Variants in HCN3 observed in about 807,000 individuals in gnomAD.
HCN3 encodes the protein potassium/sodium hyperpolarization-activated cyclic nucleotide-gated channel 3.
In HCN3, 36 loss-of-function variants were observed where a neutral mutation model predicts 56.8. The observed-to-expected ratio is 0.63, with a 90% CI of 0.49 to 0.84. HCN3 has a LOEUF of 0.84. HCN3 is among the 40% of genes least tolerant of loss of function. HCN3 has a pLI of 0.00. For missense variants in HCN3, 930 were observed against 1,079.3 expected, an observed-to-expected ratio of 0.86 and a Z score of 1.94; for synonymous variants, 425 against 439.7, an observed-to-expected ratio of 0.97 and a Z score of 0.42.
Position 155,284,193 on chromosome 1 carries a change from G to C in HCN3, c.870+58G>C. The C allele has an allele frequency of 6.3e-7, 1 of 1,582,774 alleles. No homozygotes were observed. Among genetic ancestry groups the C allele is most frequent in the South Asian group, 1.1e-5 (1 of 88,396 alleles). Reference sequence around the variant, plus strand: ...GCCTTCTTAGGGCTCTTCTGCCTGAGTAGCAGGGATGGCCACAGGGAGCAG... The same window carrying C: ...GCCTTCTTAGGGCTCTTCTGCCTGACTAGCAGGGATGGCCACAGGGAGCAG... On this transcript the variant is annotated intron_variant, in intron 3 of 7. Transcript: ENST00000368358. The surrounding 1 kb of genome is among the most constrained non-coding windows in gnomAD (Gnocchi z 4.3).
In HCN3 at chr1:155,285,072, T is replaced by G; in HGVS notation, c.1090-93T>G. 1 of 1,452,618 alleles carries G rather than the reference T, an allele frequency of 6.9e-7. No individual in the cohort carries two copies. The highest frequency in any genetic ancestry group is 9.4e-7 in the Non-Finnish European group (1 of 1,058,902). 90.0% of individuals were successfully genotyped at this position (1,452,618 alleles called of 1,614,324 possible). A position where few individuals can be genotyped will look rare whatever the true frequency, so the allele number is the denominator to read the frequency against. On this transcript the variant is annotated intron_variant, in intron 4 of 7. Coordinates refer to ENST00000368358, the MANE Select transcript of HCN3 (RefSeq NM_020897.3). The surrounding 1 kb of genome is among the most constrained non-coding windows in gnomAD (Gnocchi z 4.5). ...ACGTTTCACCCCTTTGAGTTTGACC[T>G]GTGTCTCTGACCTTCCGCACACACA...
Position 155,284,749 on chromosome 1 carries a change from C to A in HCN3, c.1081C>A (p.Gln361Lys). ...CCTGGACTCTTCCCGGCGTCAGTAC[C>A]AGGAGAAGGTCAGCAGGGACAGGAG... is the stretch of plus-strand genomic sequence containing the variant. ...QSLDSSRRQYQEKYKQVEQYM... is the reference protein window; with the variant it reads ...QSLDSSRRQYKEKYKQVEQYM... Residue 361 changes from glutamine to lysine, a missense_variant, in exon 4 of 8, where the codon CAG becomes AAG. Gln to Lys is a moderately conservative substitution (Grantham distance 53). Transcript: ENST00000368358. This position sits in a 1 kb window ranked among gnomAD's most constrained non-coding sequence, Gnocchi z 4.3. The A allele has an allele frequency of 6.2e-7, 1 of 1,613,316 alleles. No homozygotes were observed.
chr1:155,282,851 G>A lies in HCN3; in HGVS notation c.708+11G>A. 2 of 1,303,214 alleles carry A rather than the reference G, an allele frequency of 1.5e-6. No individual in the cohort carries two copies. The highest frequency in any genetic ancestry group is 3.9e-5 in the Admixed American group (2 of 51,522). 80.7% of individuals were successfully genotyped at this position (1,303,214 alleles called of 1,614,324 possible). On this transcript the variant is annotated intron_variant, in intron 2 of 7. Coordinates refer to ENST00000368358, the MANE Select transcript of HCN3 (RefSeq NM_020897.3). This position sits in a 1 kb window ranked among gnomAD's most constrained non-coding sequence, Gnocchi z 4.7. ...CACCAGTGGGAGGAGGTGGGGTGGG[G>A]AGATGGCGGGCGGGGCAGTGGGTGG...
Position 155,287,243 on chromosome 1 carries a change from A to T in HCN3, c.1548A>T (p.Ser516=). The change falls in exon 7 of 8, where the codon TCA becomes TCT. Residue 516 remains serine, a synonymous_variant. Coordinates refer to ENST00000368358, the MANE Select transcript of HCN3 (RefSeq NM_020897.3). ...CTGACACCTACTGCCGCCTTTACTCACTCAGCGTGGACCATTTCAATGCTG... is the reference window on the plus strand; with the variant it reads ...CTGACACCTACTGCCGCCTTTACTCTCTCAGCGTGGACCATTTCAATGCTG... ...VRADTYCRLY[S]LSVDHFNAVL... 1 of 1,613,854 alleles carries T rather than the reference A, an allele frequency of 6.2e-7. No homozygotes were observed. Among genetic ancestry groups the T allele is most frequent in the African/African-American group, 1.3e-5 (1 of 74,934 alleles).
chr1:155,284,724 C>G lies in HCN3; in HGVS notation c.1056C>G (p.Ser352=). The part of the protein sequence containing the change: ...FIGHATALIQ[S]LDSSRRQYQE... ...GCCATGCCACGGCACTCATCCAGTC[C>G]CTGGACTCTTCCCGGCGTCAGTACC... is the stretch of plus-strand genomic sequence containing the variant. Residue 352 remains serine, a synonymous_variant, in exon 4 of 8, where the codon TCC becomes TCG. Transcript: ENST00000368358. The surrounding 1 kb of genome is among the most constrained non-coding windows in gnomAD (Gnocchi z 4.3). 6.2e-7 allele frequency: 1 copy of G among 1,614,146 alleles called. No individual in the cohort carries two copies. Among genetic ancestry groups the G allele is most frequent in the Non-Finnish European group, 8.5e-7 (1 of 1,180,010 alleles).
intron 1 of HCN3, among the ~76,000 whole-genome samples, chr1:155,278,704 A>C (rs1299267516): frequency 6.6e-6 from 1 of 152,234 alleles, no homozygotes; most frequent in Non-Finnish European, 1.5e-5. Context: ...ATACAGTTGT[A>C]GACCCAGACA....
At chr1:155,283,837 G>T in intron 2 of HCN3, 137 bp from the exon 3 acceptor site, 1 of 848,416 alleles carries the variant, frequency 1.2e-6, no homozygotes, top group Non-Finnish European at 1.8e-6. Flanking sequence ...CCACACAAAT[G>T]AATAATAGTT....
In HCN3 at chr1:155,288,425, G is replaced by C; in HGVS notation, c.2287G>C (p.Ala763Pro). ...QPPRPPVPEP[A>P]TPRGLQLSAN... ...CCCCAGGCCACCAGTGCCTGAGCCA[G>C]CCACACCCCGGGGTCTCCAGCTTTC... The change falls in exon 8 of 8, where the codon GCC becomes CCC. Residue 763 changes from alanine (A) to proline (P), a missense_variant. Ala to Pro is a conservative substitution (Grantham distance 27). Transcript: ENST00000368358. The surrounding 1 kb of genome is among the most constrained non-coding windows in gnomAD (Gnocchi z 6.5). The C allele has an allele frequency of 6.2e-7, 1 of 1,610,810 alleles. No individual in the cohort carries two copies. The highest frequency in any genetic ancestry group is 8.5e-7 in the Non-Finnish European group (1 of 1,178,592).
rs1189663495 is a variant in HCN3, at chr1:155,285,208, C to G, written c.1133C>G (p.Ala378Gly). ...EQYMSFHKLP[A>G]DTRQRIHEYY... ...TACATGTCCTTCCACAAGCTGCCAG[C>G]AGACACGCGGCAGCGCATCCACGAG... Residue 378 changes from alanine to glycine, a missense_variant, in exon 5 of 8, where the codon GCA (alanine) becomes GGA (glycine). Physicochemically the swap from Ala to Gly is moderately conservative, Grantham distance 60 (BLOSUM62 0). Coordinates refer to ENST00000368358, the MANE Select transcript of HCN3 (RefSeq NM_020897.3). The surrounding 1 kb of genome is among the most constrained non-coding windows in gnomAD (Gnocchi z 4.5). 1 of 1,614,246 alleles carries G rather than the reference C, an allele frequency of 6.2e-7. No individual in the cohort carries two copies. The highest frequency in any genetic ancestry group is 1.3e-5 in the African/African-American group (1 of 75,072).
At chr1:155,280,426 C>T (rs1043912842) in intron 1 of HCN3, among the ~76,000 whole-genome samples, 40 of 151,040 alleles carry the variant, frequency 2.6e-4, no homozygotes, top group Non-Finnish European at 4.9e-4. Flanking sequence ...CGCGCCACCA[C>T]ACCTGGCTAA....
rs1444524437 is a variant in HCN3 at position 155,287,904 on chromosome 1, C to T, written c.1766C>T (p.Ala589Val). The change falls in exon 8 of 8, where the codon GCC (alanine) becomes GTC (valine). Residue 589 changes from alanine to valine, a missense_variant. Ala to Val is a moderately conservative substitution (Grantham distance 64). Coordinates refer to ENST00000368358, the MANE Select transcript of HCN3 (RefSeq NM_020897.3). Reference protein sequence around the residue: ...RDMARGVRGRAPSTGAQLSGK... With the variant: ...RDMARGVRGRVPSTGAQLSGK... ...ATGGCTCGGGGTGTTCGGGGTCGGGCCCCGAGCACAGGAGCTCAGCTTAGT... is the reference window on the plus strand; with the variant it reads ...ATGGCTCGGGGTGTTCGGGGTCGGGTCCCGAGCACAGGAGCTCAGCTTAGT... 3.7e-6 allele frequency: 6 copies of T among 1,613,914 alleles called. No individual in the cohort carries two copies. Among genetic ancestry groups the T allele is most frequent in the Non-Finnish European group, 5.1e-6 (6 of 1,179,994 alleles).
At position 155,286,803 on chromosome 1, in the gene HCN3, G is replaced by T. The variant is rs375034043; in HGVS notation, c.1478-370G>T. ...AGGGCTGCCCTCAGTGTTTATTCAAGGGGGTGGGAGGGGTGGGTACACTGA... is the reference window on the plus strand; with the variant it reads ...AGGGCTGCCCTCAGTGTTTATTCAATGGGGTGGGAGGGGTGGGTACACTGA... On this transcript the variant is annotated intron_variant, in intron 6 of 7. Coordinates refer to ENST00000368358, the MANE Select transcript of HCN3 (RefSeq NM_020897.3). Among the ~76,000 whole-genome samples the T allele has an allele frequency of 3.7e-4, 56 of 151,960 alleles. 1 individual carries two copies. In the South Asian group the frequency reaches 7.1e-3, roughly 19 times the overall value.
At position 155,285,984 on chromosome 1, in the gene HCN3, G is replaced by T. The variant is rs199762175; in HGVS notation, c.1477+20G>T. On this transcript the variant is annotated intron_variant, in intron 6 of 7. Transcript: ENST00000368358. The surrounding 1 kb of genome is among the most constrained non-coding windows in gnomAD (Gnocchi z 4.5). ...TTGGGGGTCAGCAGGCCTCAGGGAG[G>T]GTGGCAGGGTCACGAGCAGACAGTG... is the stretch of plus-strand genomic sequence containing the variant. The T allele has an allele frequency of 2.0e-4, 315 of 1,559,124 alleles. No homozygotes were observed. The Admixed American group carries it at 5.5e-3, about 27-fold the overall frequency.
intron 1 of HCN3, among the ~76,000 whole-genome samples, chr1:155,280,692 C>A (rs1371722477): frequency 6.7e-6 from 1 of 149,456 alleles, no homozygotes; most frequent in African/African-American, 2.5e-5. Context: ...CCCACCTTGG[C>A]CTCCCAAAGT....
In HCN3 at chr1:155,282,666, C is replaced by T; in HGVS notation, c.534C>T (p.Ile178=). The T allele has an allele frequency of 6.2e-7, 1 of 1,614,246 alleles. No homozygotes were observed. The highest frequency in any genetic ancestry group is 8.5e-7 in the Non-Finnish European group (1 of 1,180,040). Residue 178 remains isoleucine (I), a synonymous_variant, in exon 2 of 8, where the codon ATC becomes ATT. Coordinates refer to ENST00000368358, the MANE Select transcript of HCN3 (RefSeq NM_020897.3). This position sits in a 1 kb window ranked among gnomAD's most constrained non-coding sequence, Gnocchi z 4.7. ...YLRTWFLVDL[I]SSIPVDYIFL... ...GCACCTGGTTCCTGGTTGACCTCAT[C>T]TCTTCTATCCCTGTGGATTACATCT...
chr1:155,287,591 G>C (rs745418806), intron 7 of HCN3, among the ~76,000 whole-genome samples, 190 bp from the exon 8 acceptor site: 1 of 151,256 alleles, frequency 6.6e-6, no homozygotes, highest in East Asian at 1.9e-4. Context: ...CCTGACCCTC[G>C]CTGTCTCTGA....
chr1:155,284,763 C>G lies in HCN3; in HGVS notation c.1089+6C>G. On this transcript the variant is annotated splice_donor_region_variant and intron_variant, in intron 4 of 7. Transcript: ENST00000368358. The surrounding 1 kb of genome is among the most constrained non-coding windows in gnomAD (Gnocchi z 4.3). ...GGCGTCAGTACCAGGAGAAGGTCAG[C>G]AGGGACAGGAGAGGGAGGTGTGGCA... is the stretch of plus-strand genomic sequence containing the variant. 6.2e-7 allele frequency: 1 copy of G among 1,610,424 alleles called. No individual in the cohort carries two copies. Among genetic ancestry groups the G allele is most frequent in the Admixed American group, 1.7e-5 (1 of 59,838 alleles).
Position 155,282,765 on chromosome 1 carries a change from C to T in HCN3, c.633C>T (p.Arg211=), listed in dbSNP as rs201016236. The T allele has an allele frequency of 1.2e-6, 2 of 1,614,100 alleles. No individual in the cohort carries two copies. Among genetic ancestry groups the T allele is most frequent in the Admixed American group, 3.3e-5 (2 of 60,016 alleles). The change falls in exon 2 of 8, where the codon CGC becomes CGT. Residue 211 remains arginine (R), a synonymous_variant. Coordinates refer to ENST00000368358, the MANE Select transcript of HCN3 (RefSeq NM_020897.3). The surrounding 1 kb of genome is among the most constrained non-coding windows in gnomAD (Gnocchi z 4.7). ...YKTARALRIV[R]FTKILSLLRL... ...CGGCACGGGCCCTACGCATCGTTCG[C>T]TTCACCAAGATCCTAAGCCTGCTGA...
Position 155,284,119 on chromosome 1 carries a change from C to T in HCN3, c.854C>T (p.Ser285Phe). ...GACTTCCCTCCCGACTGCTGGGTCTCCATCAACCACATGGTGGTGAGAAGT... is the reference window on the plus strand; with the variant it reads ...GACTTCCCTCCCGACTGCTGGGTCTTCATCAACCACATGGTGGTGAGAAGT... ...LQDFPPDCWV[S>F]INHMVNHSWG... Residue 285 changes from serine (S) to phenylalanine (F), a missense_variant, in exon 3 of 8, where the codon TCC becomes TTC. By Grantham distance (155) the Ser-to-Phe change is radical. Coordinates refer to ENST00000368358, the MANE Select transcript of HCN3 (RefSeq NM_020897.3). The surrounding 1 kb of genome is among the most constrained non-coding windows in gnomAD (Gnocchi z 4.3). The T allele has an allele frequency of 6.2e-7, 1 of 1,614,180 alleles. No individual in the cohort carries two copies. Among genetic ancestry groups the T allele is most frequent in the Non-Finnish European group, 8.5e-7 (1 of 1,179,988 alleles).
Sources: gnomAD v4.1 joint callset for allele counts (sites outside exome capture counted in the v4.1 genomes callset) on GRCh38, gnomAD v4.1.1 for gene constraint, Gnocchi (gnomAD v3.1) non-coding constraint, MANE v1.5 for transcripts, NCBI Gene and HGNC (gene_info 2026-07-23, HGNC 2026-07-21) for gene names.